Variants in RET observed in about 807,000 individuals in gnomAD.
RET encodes the protein ret proto-oncogene, also known as proto-oncogene tyrosine-protein kinase receptor Ret.
RET carries 19 observed loss-of-function variants against 118.3 expected under a neutral mutation model. The observed-to-expected ratio is 0.16, with a 90% CI of 0.11 to 0.24. The LOEUF is 0.24. Among genes scored for constraint, RET ranks in the 10% least tolerant of loss-of-function variants. The probability of loss-of-function intolerance (pLI) is 1.00; values close to 1 mark genes in which losing one functional copy is unlikely to be tolerated. For missense variants in RET, 1,219 were observed against 1,502.1 expected, an observed-to-expected ratio of 0.81 and a Z score of 3.12; for synonymous variants, 597 against 644.1, an observed-to-expected ratio of 0.93 and a Z score of 1.11.
chr10:43,084,630 C>T (rs901798637), intron 1 of RET, among the ~76,000 whole-genome samples: 11 of 152,206 alleles, frequency 7.2e-5, no homozygotes, highest in African/African-American at 1.2e-4. Context: ...TATCCAGGGC[C>T]GTCACTGTCA....
At chr10:43,126,149 G>A (rs751131256) in intron 18 of RET, among the ~76,000 whole-genome samples, 11 of 152,304 alleles carry the variant, frequency 7.2e-5, no homozygotes, top group Non-Finnish European at 1.5e-4. Flanking sequence ...CTGGGGCTGC[G>A]TCCTGGCATG....
rs1460676077 is a variant in RET, at chr10:43,129,407, G to C, written c.*1138G>C. On this transcript the variant is annotated 3_prime_UTR_variant, in exon 20 of 20. Transcript: ENST00000355710. ...GCCTGTGTGAAAGGCCCATGGATCA[G>C]CTCTTCCTGTGTTTGTAATTTAATG... The C allele has an allele frequency of 4.3e-6, 1 of 233,620 alleles. No individual in the cohort carries two copies. Among genetic ancestry groups the C allele is most frequent in the Non-Finnish European group, 8.5e-6 (1 of 118,072 alleles). 14.5% of individuals were successfully genotyped at this position (233,620 alleles called of 1,614,324 possible). A position where few individuals can be genotyped will look rare whatever the true frequency, so the allele number is the denominator to read the frequency against.
chr10:43,127,554 A>T (rs903227969), intron 19 of RET: 3 of 965,666 alleles, frequency 3.1e-6, no homozygotes, highest in Non-Finnish European at 3.7e-6. Flanking sequence ...TGGAGTTTCA[A>T]GCATTTTTTT....
chr10:43,090,820 C>T (rs573090608), intron 1 of RET, among the ~76,000 whole-genome samples: 77 of 150,176 alleles, frequency 5.1e-4, no homozygotes, highest in African/African-American at 1.8e-3. Context: ...ACCCTGGCAC[C>T]GAGGGCTGGC....
intron 1 of RET, among the ~76,000 whole-genome samples, chr10:43,093,170 T>C (rs1837445148): frequency 6.6e-6 from 1 of 151,922 alleles, no homozygotes; most frequent in South Asian, 2.1e-4. Flanking sequence ...GGAGCCCTGA[T>C]GAGGAGCTAT....
intron 12 of RET, among the ~76,000 whole-genome samples, chr10:43,117,260 G>A (rs1445410892): frequency 6.6e-6 from 1 of 152,258 alleles, no homozygotes; most frequent in Non-Finnish European, 1.5e-5. Flanking sequence ...AGGCTGAATG[G>A]CGGTGAGGGA....
At chr10:43,081,120 C>T (rs1837170589) in intron 1 of RET, among the ~76,000 whole-genome samples, 1 of 152,010 alleles carries the variant, frequency 6.6e-6, no homozygotes, top group Non-Finnish European at 1.5e-5. Flanking sequence ...CTCCCTGCTG[C>T]CCTCCTCCCC....
intron 1 of RET, among the ~76,000 whole-genome samples, chr10:43,097,478 TA>T (rs199981707): frequency 0.011 from 1,703 of 152,146 alleles, 33 homozygotes; most frequent in African/African-American, 0.039. Flanking sequence ...CTCTCTGGGG[TA>T]AGAACATGGA....
intron 15 of RET, among the ~76,000 whole-genome samples, chr10:43,121,323 T>C (rs1838213204): frequency 6.6e-6 from 1 of 152,102 alleles, no homozygotes; most frequent in Non-Finnish European, 1.5e-5. Flanking sequence ...GCACACATTT[T>C]AAAAATGGAC....
chr10:43,129,980 A>G lies in RET; in HGVS notation c.*1711A>G, dbSNP rs1202148860. On this transcript the variant is annotated 3_prime_UTR_variant, in exon 20 of 20. Coordinates refer to ENST00000355710, the MANE Select transcript of RET (RefSeq NM_020975.6). ...TAAGAATAAACTTTCTCAAATTATT[A>G]AAAATGCCTACACAGTAAGTGTGAA... The G allele has an allele frequency of 5.0e-6, 2 of 398,864 alleles. No individual in the cohort carries two copies. Among genetic ancestry groups the G allele is most frequent in the Non-Finnish European group, 8.8e-6 (2 of 226,078 alleles). The allele number at this position is 398,864 out of a possible 1,614,324, so 24.7% of individuals were successfully genotyped here. A position where few individuals can be genotyped will look rare whatever the true frequency, so the allele number is the denominator to read the frequency against.
rs864622361 is a variant in RET at position 43,102,521 on chromosome 10, T to C, written c.517T>C (p.Ser173Pro). 8 of 1,614,042 alleles carry C rather than the reference T, an allele frequency of 5.0e-6. No individual in the cohort carries two copies. Among genetic ancestry groups the C allele is most frequent in the Non-Finnish European group, 6.8e-6 (8 of 1,180,038 alleles). The change falls in exon 3 of 20, where the codon TCC becomes CCC. Residue 173 changes from serine to proline, a missense_variant. Ser to Pro is a moderately conservative substitution (Grantham distance 74). Coordinates refer to ENST00000355710, the MANE Select transcript of RET (RefSeq NM_020975.6). ...GCTCTGCTTCCCAGAGACAAGGCCC[T>C]CCTTCCGCATTCGGGAGAACCGACC... ...RELCFPETRP[S>P]FRIRENRPPG...
In RET at chr10:43,118,418, A is replaced by C. The variant is rs377767415; in HGVS notation, c.2330A>C (p.Asn777Thr). 6.2e-7 allele frequency: 1 copy of C among 1,614,170 alleles called. No individual in the cohort carries two copies. The highest frequency in any genetic ancestry group is 8.5e-7 in the Non-Finnish European group (1 of 1,180,034). Residue 777 changes from asparagine to threonine, a missense_variant, in exon 13 of 20, where the codon AAC (asparagine) becomes ACC (threonine). Asn to Thr is a moderately conservative substitution (Grantham distance 65). Transcript: ENST00000355710. ...CTGCGAGACCTGCTGTCAGAGTTCA[A>C]CGTCCTGAAGCAGGTCAACCACCCA... ...SELRDLLSEF[N>T]VLKQVNHPHV...
chr10:43,123,592 G>T, intron 16 of RET, 79 bp from the exon 17 acceptor site: 3 of 1,585,654 alleles, frequency 1.9e-6, no homozygotes, highest in South Asian at 1.1e-5. Context: ...GCTTGGTGGT[G>T]GGGGTGGATA....
intron 15 of RET, among the ~76,000 whole-genome samples, chr10:43,120,951 AAAACC>A (rs1838203844): frequency 1.3e-5 from 2 of 152,168 alleles, no homozygotes; most frequent in Non-Finnish European, 2.9e-5. Context: ...AAGAAAAAAA[AAAACC>A]ACAAAAGGCG....
At chr10:43,118,001 G>A (rs746113728) in intron 12 of RET, among the ~76,000 whole-genome samples, 12 of 152,194 alleles carry the variant, frequency 7.9e-5, no homozygotes, top group Non-Finnish European at 7.3e-5. Context: ...GGCCTCTCCC[G>A]ACAAGTGGGT....
rs1361907192 is a variant in RET at position 43,100,401 on chromosome 10, T to C, written c.74-58T>C. ...TTTAAATTAATGATTTTTTTTTTTT[T>C]TGTCCTTGAAGAAGCCTTATTCTCA... is the stretch of plus-strand genomic sequence containing the variant. On this transcript the variant is annotated intron_variant, in intron 1 of 19. Coordinates refer to ENST00000355710, the MANE Select transcript of RET (RefSeq NM_020975.6). 5 of 1,583,436 alleles carry C rather than the reference T, an allele frequency of 3.2e-6. No homozygotes were observed. The African/African-American group carries it at 6.8e-5, about 21-fold the overall frequency.
chr10:43,085,724 C>T (rs1006422243), intron 1 of RET, among the ~76,000 whole-genome samples: 13 of 99,036 alleles, frequency 1.3e-4, no homozygotes, highest in African/African-American at 4.1e-4. Flanking sequence ...GAAGACTTGG[C>T]ACCACTTCCC....
chr10:43,125,937 C>T (rs891910137), intron 18 of RET, among the ~76,000 whole-genome samples: 22 of 152,156 alleles, frequency 1.4e-4, no homozygotes, highest in African/African-American at 9.7e-5. Context: ...GAGAAACAGC[C>T]GGGAAAACGC....
chr10:43,095,952 C>T (rs1564487918), intron 1 of RET, among the ~76,000 whole-genome samples: 1 of 152,168 alleles, frequency 6.6e-6, no homozygotes, highest in Non-Finnish European at 1.5e-5. Context: ...TGGGAATCCT[C>T]TTAGTTTCTC....
Sources: allele counts gnomAD v4.1 joint callset (sites outside exome capture counted in the v4.1 genomes callset), GRCh38; gene constraint gnomAD v4.1.1; transcripts MANE v1.5; gene names NCBI Gene and HGNC (gene_info 2026-07-23, HGNC 2026-07-21).